RIMS1: variants seen among roughly 807,000 people sequenced by gnomAD.
RIMS1 encodes regulating synaptic membrane exocytosis protein 1.
RIMS1 carries 83 observed loss-of-function variants against 214.1 expected under a neutral mutation model. That is an observed-to-expected ratio of 0.39 (90% confidence interval 0.32 to 0.47). RIMS1 has a LOEUF of 0.47. Ranked by LOEUF, RIMS1 falls within the 20% of genes least tolerant of loss-of-function variation. The pLI is 0.99. For synonymous variants in RIMS1, 793 were observed against 786.8 expected, an observed-to-expected ratio of 1.01 and a Z score of -0.13; for missense variants, 2,050 against 2,161.8, an observed-to-expected ratio of 0.95 and a Z score of 1.03.
intron 2 of RIMS1, among the ~76,000 whole-genome samples, chr6:71,991,598 C>A (rs1217589969): frequency 1.3e-5 from 2 of 152,118 alleles, no homozygotes; most frequent in Non-Finnish European, 2.9e-5. Context: ...TATTTCATAA[C>A]AGAGTTTCAG....
intron 2 of RIMS1, among the ~76,000 whole-genome samples, chr6:71,998,033 T>C (rs770939355): frequency 6.6e-6 from 1 of 152,084 alleles, no homozygotes; most frequent in Admixed American, 6.6e-5. Context: ...AATATTGGCA[T>C]CTAAAATGTT....
chr6:72,178,721 T>G (rs1370510512), intron 4 of RIMS1, among the ~76,000 whole-genome samples: 3 of 152,234 alleles, frequency 2.0e-5, no homozygotes, highest in African/African-American at 7.2e-5. Context: ...TGACAGCTAG[T>G]CATTGCTGCT....
chr6:71,967,126 C>T (rs1182683304), intron 1 of RIMS1, among the ~76,000 whole-genome samples: 2 of 152,180 alleles, frequency 1.3e-5, no homozygotes, highest in African/African-American at 2.4e-5. Context: ...CAGTGGCTCA[C>T]GCCTGTAGTC....
At chr6:72,168,748 T>C (rs1412192486) in intron 4 of RIMS1, among the ~76,000 whole-genome samples, 4 of 116,362 alleles carry the variant, frequency 3.4e-5, no homozygotes, top group Non-Finnish European at 5.2e-5. Flanking sequence ...TTTTTTCTAG[T>C]GGGAGACTGC....
intron 2 of RIMS1, among the ~76,000 whole-genome samples, chr6:71,974,915 G>A (rs1419098172): frequency 2.6e-5 from 4 of 152,138 alleles, no homozygotes; most frequent in African/African-American, 9.7e-5. Context: ...AAGTGAAATA[G>A]CATTGGGAGG....
chr6:72,110,743 A>G (rs1344507606), intron 4 of RIMS1, among the ~76,000 whole-genome samples: 1 of 152,014 alleles, frequency 6.6e-6, no homozygotes, highest in Non-Finnish European at 1.5e-5. Context: ...CACTATGTTG[A>G]ATAGGAGTGG....
At chr6:72,103,413 T>C (rs1037468215) in intron 4 of RIMS1, among the ~76,000 whole-genome samples, 7 of 152,182 alleles carry the variant, frequency 4.6e-5, no homozygotes, top group African/African-American at 1.7e-4. Flanking sequence ...ATCAAAGTTC[T>C]GGTTAGTCTT....
chr6:72,252,406 A>G (rs1334700266), intron 15 of RIMS1, among the ~76,000 whole-genome samples: 2 of 152,154 alleles, frequency 1.3e-5, no homozygotes, highest in Non-Finnish European at 2.9e-5. Flanking sequence ...ACTCAGCCCT[A>G]TTCTCTCTGA....
intron 4 of RIMS1, among the ~76,000 whole-genome samples, chr6:72,142,293 T>C (rs1457128589): frequency 3.3e-5 from 5 of 152,118 alleles, no homozygotes; most frequent in East Asian, 3.9e-4. Context: ...AAGATGGTGA[T>C]TCCCCCCCTA....
At chr6:72,340,989 G>A (rs1157935036) in intron 29 of RIMS1, among the ~76,000 whole-genome samples, 6 of 151,914 alleles carry the variant, frequency 3.9e-5, no homozygotes, top group Non-Finnish European at 7.4e-5. Context: ...TCCTTGAAGA[G>A]GTCCTTCACA....
intron 29 of RIMS1, among the ~76,000 whole-genome samples, chr6:72,336,322 A>C (rs2096842471): frequency 6.6e-6 from 1 of 151,806 alleles, no homozygotes; most frequent in African/African-American, 2.4e-5. Flanking sequence ...TCTTTGTATT[A>C]ATAAGTAATG....
At chr6:72,236,417 A>G (rs1170231963) in intron 8 of RIMS1, among the ~76,000 whole-genome samples, 2 of 152,162 alleles carry the variant, frequency 1.3e-5, no homozygotes, top group Non-Finnish European at 2.9e-5. Context: ...TACAGTCTTT[A>G]TAGTCATAGA....
chr6:72,317,517 T>A (rs937724850), intron 28 of RIMS1: 4 of 163,112 alleles, frequency 2.5e-5, no homozygotes, highest in African/African-American at 9.6e-5. Context: ...ATAGATTAAA[T>A]TATTTTATAT....
chr6:71,981,969 AT>A (rs1206490697), intron 2 of RIMS1, among the ~76,000 whole-genome samples: 1 of 151,064 alleles, frequency 6.6e-6, no homozygotes, highest in Non-Finnish European at 1.5e-5. Context: ...CTATGATTTG[AT>A]TTGATTTGAA....
intron 19 of RIMS1, chr6:72,261,392 C>G (rs1591042131): frequency 1.0e-6 from 1 of 985,726 alleles, no homozygotes; most frequent in Non-Finnish European, 1.2e-6. Context: ...GTATGAATGC[C>G]TCTTTAGAAG....
At chr6:71,995,824 C>T (rs565281) in intron 2 of RIMS1, among the ~76,000 whole-genome samples, 131,460 of 151,980 alleles carry the variant, frequency 0.86, 56,975 homozygotes, top group East Asian at 1. Context: ...TCTTGCTTTG[C>T]CGCTCAGGCT....
chr6:72,317,009 C>G (rs1299775605), intron 28 of RIMS1: 8 of 527,612 alleles, frequency 1.5e-5, no homozygotes, highest in South Asian at 3.5e-5. Flanking sequence ...GAAGCCTCCC[C>G]CTCCATTCTT....
intron 4 of RIMS1, among the ~76,000 whole-genome samples, chr6:72,134,047 C>T (rs996855137): frequency 6.6e-6 from 1 of 151,964 alleles, no homozygotes; most frequent in Non-Finnish European, 1.5e-5. Flanking sequence ...CATACAGCAC[C>T]TTTAATATAT....
chr6:71,972,157 G>GGTA (rs1232774387), intron 2 of RIMS1, among the ~76,000 whole-genome samples: 1 of 152,180 alleles, frequency 6.6e-6, no homozygotes, highest in Non-Finnish European at 1.5e-5. Flanking sequence ...CAGAAGCCAA[G>GGTA]GTAGTAGAGG....
Sources: allele counts gnomAD v4.1 joint callset (sites outside exome capture counted in the v4.1 genomes callset), GRCh38; gene constraint gnomAD v4.1.1; transcripts MANE v1.5; gene names NCBI Gene and HGNC (gene_info 2026-07-23, HGNC 2026-07-21).